RPTOR: variants seen among roughly 807,000 people sequenced by gnomAD.
The protein encoded by RPTOR is regulatory-associated protein of mTOR.
In RPTOR, 21 loss-of-function variants were observed where a neutral mutation model predicts 169.9. The observed-to-expected ratio is 0.12, with a 90% CI of 0.09 to 0.18. The LOEUF (loss-of-function observed/expected upper bound fraction) is 0.18. Among genes scored for constraint, RPTOR ranks in the 10% least tolerant of loss-of-function variants. RPTOR has a pLI of 1.00. For synonymous variants in RPTOR, 732 were observed against 753.2 expected (o/e 0.97, Z 0.46); for missense variants, 1,133 against 1,855.9 (o/e 0.61, Z 7.16).
Position 80,960,699 on chromosome 17 carries a change from G to A in RPTOR, c.3605+494G>A. 1.0e-5 allele frequency: 2 copies of A among 198,094 alleles called. No homozygotes were observed. The highest frequency in any genetic ancestry group is 2.2e-3 in the Middle Eastern group (1 of 460). The allele number at this position is 198,094 out of a possible 1,614,324, so 12.3% of individuals were successfully genotyped here. A position where few individuals can be genotyped will look rare whatever the true frequency, so the allele number is the denominator to read the frequency against. On this transcript the variant is annotated intron_variant, in intron 30 of 33. Transcript: ENST00000306801. The surrounding 1 kb of genome is among the most constrained non-coding windows in gnomAD (Gnocchi z 4.8). ...GCAGGTGCTGTCCGCGTCTGGCAGA[G>A]GACAGGGTACACGCATGGGCACAGC...
At chr17:80,899,177 A>T (rs966212531) in intron 20 of RPTOR, among the ~76,000 whole-genome samples, 3 of 152,228 alleles carry the variant, frequency 2.0e-5, no homozygotes, top group African/African-American at 7.2e-5. Flanking sequence ...AGTGCCCAGA[A>T]AGCGCAGAGT....
At chr17:80,942,736 C>T (rs1043645176) in intron 25 of RPTOR, among the ~76,000 whole-genome samples, 2 of 152,242 alleles carry the variant, frequency 1.3e-5, no homozygotes, top group East Asian at 3.8e-4. Flanking sequence ...CGGCGTCGCC[C>T]AGGAGACGGG....
chr17:80,771,348 G>A (rs1350712736), intron 6 of RPTOR, among the ~76,000 whole-genome samples: 1 of 152,228 alleles, frequency 6.6e-6, no homozygotes, highest in East Asian at 1.9e-4. Context: ...CGCTTTCCTC[G>A]TCATATACAC....
rs1261500533 is a variant in RPTOR, at chr17:80,947,749, G to A, written c.3265+398G>A. ...TCCCCGGCCAGGGTCTCCTGGCATC[G>A]CTGGCTCATTTGCCAGTTGCTGTCC... On this transcript the variant is annotated intron_variant, in intron 27 of 33. Transcript: ENST00000306801. The surrounding 1 kb of genome is among the most constrained non-coding windows in gnomAD (Gnocchi z 4.4). Among the ~76,000 whole-genome samples the A allele has an allele frequency of 1.3e-5, 2 of 152,102 alleles. No individual in the cohort carries two copies. Among genetic ancestry groups the A allele is most frequent in the African/African-American group, 4.8e-5 (2 of 41,414 alleles).
At chr17:80,614,876 T>C (rs1393552428) in intron 1 of RPTOR, among the ~76,000 whole-genome samples, 1 of 152,224 alleles carries the variant, frequency 6.6e-6, no homozygotes, top group East Asian at 1.9e-4. Flanking sequence ...TGCTGTTGCC[T>C]TCGTCACCAG....
intron 13 of RPTOR, among the ~76,000 whole-genome samples, chr17:80,871,262 C>G (rs1052390295): frequency 2.6e-5 from 4 of 152,126 alleles, no homozygotes; most frequent in Non-Finnish European, 5.9e-5. Flanking sequence ...CCCGCCACCA[C>G]GCCCGGCTAA....
At chr17:80,549,019 C>T (rs1488390326) in intron 1 of RPTOR, among the ~76,000 whole-genome samples, 1 of 152,200 alleles carries the variant, frequency 6.6e-6, no homozygotes, top group Non-Finnish European at 1.5e-5. Context: ...AGTTGACTGA[C>T]TGATGACTCC....
Position 80,693,586 on chromosome 17 carries a change from C to CA in RPTOR, c.349-14254dup, listed in dbSNP as rs368017091. 5.1e-3 allele frequency among the ~76,000 whole-genome samples: 770 copies of CA among 152,352 alleles called. 6 individuals are homozygous for CA. Among genetic ancestry groups the CA allele is most frequent in the African/African-American group, 0.017 (713 of 41,582 alleles). On this transcript the variant is annotated intron_variant, in intron 3 of 33. Coordinates refer to ENST00000306801, the MANE Select transcript of RPTOR (RefSeq NM_020761.3). ...CGTAACTCTGCCCTTACTGGGCAGACACGTGTTGAGAACATTACGAGTTAC... is the reference window on the plus strand; with the variant it reads ...CGTAACTCTGCCCTTACTGGGCAGACAACGTGTTGAGAACATTACGAGTTAC...
chr17:80,754,660 C>T lies in RPTOR; in HGVS notation c.830+475C>T, dbSNP rs2066662191. 6.6e-6 allele frequency among the ~76,000 whole-genome samples: 1 copy of T among 152,120 alleles called. No individual in the cohort carries two copies. The highest frequency in any genetic ancestry group is 2.1e-4 in the South Asian group (1 of 4,828). ...TAAGTTATAGCCGTCGGGAACATAA[C>T]TGAAGAAATGTGTGTGATATTCCAA... On this transcript the variant is annotated intron_variant, in intron 6 of 33. Coordinates refer to ENST00000306801, the MANE Select transcript of RPTOR (RefSeq NM_020761.3). The surrounding 1 kb of genome is among the most constrained non-coding windows in gnomAD (Gnocchi z 4.2).
At chr17:80,590,075 A>G (rs1344221797) in intron 1 of RPTOR, among the ~76,000 whole-genome samples, 6 of 152,210 alleles carry the variant, frequency 3.9e-5, no homozygotes, top group Admixed American at 3.9e-4. Context: ...TATAAGCGTT[A>G]TTTCTTTAAT....
At chr17:80,638,543 A>G (rs1329768396) in intron 2 of RPTOR, among the ~76,000 whole-genome samples, 1 of 150,912 alleles carries the variant, frequency 6.6e-6, no homozygotes, top group South Asian at 2.1e-4. Flanking sequence ...CTGGAACCAC[A>G]GGCATGCACC....
At chr17:80,924,659 G>A (rs1598404406) in intron 23 of RPTOR, among the ~76,000 whole-genome samples, 1 of 151,720 alleles carries the variant, frequency 6.6e-6, no homozygotes, top group Non-Finnish European at 1.5e-5. Context: ...TCACCCACCC[G>A]ACCCCCCGGG....
Position 80,964,925 on chromosome 17 carries a change from A to G in RPTOR, c.*595A>G. On this transcript the variant is annotated 3_prime_UTR_variant, in exon 34 of 34. Coordinates refer to ENST00000306801, the MANE Select transcript of RPTOR (RefSeq NM_020761.3). ...ACGCCCCTCCAACTGGCGGGTGTGA[A>G]GGAAGCCGCCCAGGGGTCCGGGCTG... The G allele has an allele frequency of 4.3e-6, 1 of 233,860 alleles. No individual in the cohort carries two copies. The highest frequency in any genetic ancestry group is 8.4e-6 in the Non-Finnish European group (1 of 118,458). The allele number at this position is 233,860 out of a possible 1,614,324, so 14.5% of individuals were successfully genotyped here.
intron 11 of RPTOR, among the ~76,000 whole-genome samples, chr17:80,851,758 C>T (rs939892676): frequency 1.3e-5 from 2 of 152,232 alleles, no homozygotes; most frequent in Non-Finnish European, 2.9e-5. Flanking sequence ...GGAGCACATT[C>T]TAAGGAGACC....
intron 6 of RPTOR, among the ~76,000 whole-genome samples, chr17:80,767,612 A>T (rs116989815): frequency 0.023 from 3,435 of 152,306 alleles, 59 homozygotes; most frequent in Non-Finnish European, 0.036. Context: ...TTTACTAGTG[A>T]ATTTTACCAA....
chr17:80,934,949 G>A (rs2068937824), intron 24 of RPTOR, among the ~76,000 whole-genome samples: 1 of 151,644 alleles, frequency 6.6e-6, no homozygotes, highest in South Asian at 2.1e-4. Context: ...ACTTTAGGAG[G>A]CCAAGGCAAG....
intron 24 of RPTOR, 135 bp from the exon 25 acceptor site, chr17:80,940,360 GC>G: frequency 3.1e-6 from 2 of 646,374 alleles, no homozygotes; most frequent in South Asian, 3.8e-5. Context: ...GTACGCAGAT[GC>G]CACACCCTTT....
At chr17:80,920,110 T>C (rs1303382832) in intron 21 of RPTOR, among the ~76,000 whole-genome samples, 1 of 152,198 alleles carries the variant, frequency 6.6e-6, no homozygotes, top group Non-Finnish European at 1.5e-5. Context: ...GAAAGGACTC[T>C]CCCTGGTCCT....
chr17:80,689,455 C>T lies in RPTOR; in HGVS notation c.349-18386C>T, dbSNP rs138753063. Among the ~76,000 whole-genome samples the T allele has an allele frequency of 9.0e-3, 1,370 of 152,308 alleles. 23 individuals are homozygous for T. The highest frequency in any genetic ancestry group is 0.031 in the African/African-American group (1,272 of 41,556). On this transcript the variant is annotated intron_variant, in intron 3 of 33. Transcript: ENST00000306801. ...GTGTGGGCAGTGAGGCCTCGTCTTA[C>T]GCATGTGGTCAGAGGAGATAATGTG...
Sources: gnomAD v4.1 joint callset for allele counts (sites outside exome capture counted in the v4.1 genomes callset) on GRCh38, gnomAD v4.1.1 for gene constraint, Gnocchi (gnomAD v3.1) non-coding constraint, MANE v1.5 for transcripts, NCBI Gene and HGNC (gene_info 2026-07-23, HGNC 2026-07-21) for gene names.